Variants in ADAMTSL1 observed in about 807,000 individuals in gnomAD.
ADAMTSL1 encodes ADAMTS like 1.
A neutral mutation model predicts 201.8 loss-of-function variants in ADAMTSL1; 126 were observed. That is an observed-to-expected ratio of 0.62 (90% confidence interval 0.54 to 0.72). ADAMTSL1 has a LOEUF of 0.72. Ranked by LOEUF, ADAMTSL1 falls within the 30% of genes least tolerant of loss-of-function variation. The pLI is 0.00. For synonymous variants in ADAMTSL1, 1,121 were observed against 903.4 expected, an observed-to-expected ratio of 1.24 and a Z score of -4.32; for missense variants, 2,679 against 2,277.8, an observed-to-expected ratio of 1.18 and a Z score of -3.59.
intron 1 of ADAMTSL1, among the ~76,000 whole-genome samples, chr9:17,932,105 T>TC (rs58703367): frequency 6.6e-6 from 1 of 152,086 alleles, no homozygotes; most frequent in African/African-American, 2.4e-5. Context: ...TTGTGGGTCT[T>TC]CCCCCCAAGT....
At chr9:18,532,129 C>T (rs1337362468) in intron 2 of ADAMTSL1, among the ~76,000 whole-genome samples, 2 of 152,046 alleles carry the variant, frequency 1.3e-5, no homozygotes, top group Non-Finnish European at 2.9e-5. Flanking sequence ...AAATGTGTGA[C>T]ATATTTTGAA....
chr9:18,474,361 G>GTGTGTA, intron 1 of ADAMTSL1, 66 bp downstream of exon 1: 1 of 1,475,912 alleles, frequency 6.8e-7, no homozygotes, highest in African/African-American at 1.4e-5. Flanking sequence ...GGGGGTGTGT[G>GTGTGTA]TGTGTATGTG....
At chr9:18,462,461 A>G (rs1379941049) in intron 2 of ADAMTSL1, among the ~76,000 whole-genome samples, 3 of 152,220 alleles carry the variant, frequency 2.0e-5, no homozygotes, top group Non-Finnish European at 4.4e-5. Context: ...GACATTAAAT[A>G]TATAACACAA....
At chr9:18,124,350 G>C (rs572565297) in intron 1 of ADAMTSL1, among the ~76,000 whole-genome samples, 14 of 152,168 alleles carry the variant, frequency 9.2e-5, no homozygotes, top group Admixed American at 7.9e-4. Context: ...CAAAGTGCTA[G>C]GATTACAGGT....
chr9:18,310,017 C>G (rs1834058993), intron 2 of ADAMTSL1, among the ~76,000 whole-genome samples: 1 of 152,032 alleles, frequency 6.6e-6, no homozygotes, highest in Non-Finnish European at 1.5e-5. Flanking sequence ...GAACAGAGGC[C>G]TCAGAAATAC....
chr9:18,032,881 G>T (rs1012843222), intron 1 of ADAMTSL1, among the ~76,000 whole-genome samples: 4 of 122,174 alleles, frequency 3.3e-5, no homozygotes, highest in African/African-American at 5.9e-5. Flanking sequence ...CTGGTGCTCA[G>T]TGACTCTGTG....
At chr9:18,785,309 G>T (rs758521672) in intron 19 of ADAMTSL1, among the ~76,000 whole-genome samples, 37 of 152,356 alleles carry the variant, frequency 2.4e-4, no homozygotes, top group South Asian at 4.1e-4. Context: ...ACTAGACCCA[G>T]CATAAATTAA....
chr9:18,135,383 C>T (rs994568443), intron 1 of ADAMTSL1, among the ~76,000 whole-genome samples: 2 of 152,008 alleles, frequency 1.3e-5, no homozygotes, highest in Non-Finnish European at 2.9e-5. Context: ...TCCAGAGGCT[C>T]AAAATGTAAA....
At chr9:18,252,006 A>T (rs1441466469) in intron 2 of ADAMTSL1, among the ~76,000 whole-genome samples, 1 of 152,118 alleles carries the variant, frequency 6.6e-6, no homozygotes, top group Non-Finnish European at 1.5e-5. Context: ...TAAAATATGA[A>T]ATTAAAGATA....
intron 1 of ADAMTSL1, among the ~76,000 whole-genome samples, chr9:18,147,080 C>G (rs1242213890): frequency 6.6e-6 from 1 of 151,998 alleles, no homozygotes; most frequent in East Asian, 1.9e-4. Flanking sequence ...TAATAGTATT[C>G]CTTAATTTCT....
At chr9:18,014,114 T>A (rs1820161376) in intron 1 of ADAMTSL1, among the ~76,000 whole-genome samples, 1 of 152,032 alleles carries the variant, frequency 6.6e-6, no homozygotes, top group Admixed American at 6.6e-5. Flanking sequence ...TTAAGTATAC[T>A]TTTTCACATC....
At chr9:18,237,486 G>A (rs1479448878) in intron 2 of ADAMTSL1, among the ~76,000 whole-genome samples, 1 of 152,058 alleles carries the variant, frequency 6.6e-6, no homozygotes, top group Non-Finnish European at 1.5e-5. Context: ...AAGTGTTTTT[G>A]TCTTCTTTGT....
intron 26 of ADAMTSL1, among the ~76,000 whole-genome samples, chr9:18,904,012 G>A (rs1222064246): frequency 4.0e-5 from 6 of 151,700 alleles, no homozygotes; most frequent in African/African-American, 9.7e-5. Flanking sequence ...AGGCTGGAGT[G>A]CAGTGGCTAT....
Position 18,504,845 on chromosome 9 carries a change from G to T in ADAMTSL1, c.80G>T (p.Arg27Leu). 3 of 1,614,136 alleles carry T rather than the reference G, an allele frequency of 1.9e-6. No homozygotes were observed. The highest frequency in any genetic ancestry group is 2.5e-6 in the Non-Finnish European group (3 of 1,180,016). The change falls in exon 2 of 29, where the codon CGC (arginine) becomes CTC (leucine). Residue 27 changes from arginine (R) to leucine (L), a missense_variant. Arg to Leu is a moderately radical substitution (Grantham distance 102, BLOSUM62 -2). Transcript: ENST00000380548. ...AFLLLSSRTA[R>L]SEEDRDGLWD... is the part of the protein sequence containing the mutation. The stretch of plus-strand genomic sequence containing the variant: ...TTCTCACAGAGTTCCAGGACCGCAC[G>T]CTCCGAGGAGGACCGGGACGGCCTA...
intron 2 of ADAMTSL1, among the ~76,000 whole-genome samples, chr9:18,183,971 G>C (rs953842191): frequency 6.6e-6 from 1 of 152,130 alleles, no homozygotes; most frequent in Non-Finnish European, 1.5e-5. Flanking sequence ...CTGAGACATT[G>C]TTTTTCAGAT....
intron 2 of ADAMTSL1, among the ~76,000 whole-genome samples, chr9:18,199,624 A>C (rs539966704): frequency 6.6e-6 from 1 of 152,150 alleles, no homozygotes; most frequent in African/African-American, 2.4e-5. Context: ...CCTGTGGCTT[A>C]AAGTCCAAAG....
chr9:17,981,238 C>T (rs1036570678), intron 1 of ADAMTSL1, among the ~76,000 whole-genome samples: 1 of 152,204 alleles, frequency 6.6e-6, no homozygotes, highest in African/African-American at 2.4e-5. Context: ...TGATCTTGGA[C>T]TTTCCACCTA....
At chr9:18,093,106 T>C (rs1047249442) in intron 1 of ADAMTSL1, among the ~76,000 whole-genome samples, 1 of 152,186 alleles carries the variant, frequency 6.6e-6, no homozygotes, top group Non-Finnish European at 1.5e-5. Context: ...TGGAACTGCA[T>C]AGGTAGCAGC....
At chr9:18,848,035 C>CA (rs1826243272) in intron 23 of ADAMTSL1, among the ~76,000 whole-genome samples, 1 of 152,198 alleles carries the variant, frequency 6.6e-6, no homozygotes, top group Non-Finnish European at 1.5e-5. Context: ...TCTAGTAAAA[C>CA]AGAGGCTTAT....
Sources: gnomAD v4.1 joint callset for allele counts (sites outside exome capture counted in the v4.1 genomes callset) on GRCh38, gnomAD v4.1.1 for gene constraint, MANE v1.5 for transcripts, NCBI Gene and HGNC (gene_info 2026-07-23, HGNC 2026-07-21) for gene names.